APPL2: variants seen among roughly 807,000 people sequenced by gnomAD.
APPL2 encodes DCC-interacting protein 13-beta.
APPL2 carries 84 observed loss-of-function variants against 92.7 expected under a neutral mutation model. That is an observed-to-expected ratio of 0.91 (90% confidence interval 0.76 to 1.09). The LOEUF (loss-of-function observed/expected upper bound fraction) is 1.09. Among genes scored for constraint, APPL2 ranks in the 50% least tolerant of loss-of-function variants. The pLI is 0.00. For missense variants in APPL2, 736 were observed against 824.5 expected (o/e 0.89, Z 1.31); for synonymous variants, 291 against 291.0 (o/e 1.00, Z 0.00).
chr12:105,187,889 T>A (rs1223203735), intron 17 of APPL2, among the ~76,000 whole-genome samples: 1 of 152,082 alleles, frequency 6.6e-6, no homozygotes, highest in Non-Finnish European at 1.5e-5. Flanking sequence ...TATGGCCTGC[T>A]CTCTCTGTGA....
intron 18 of APPL2, 37 bp downstream of exon 18, chr12:105,177,189 G>C: frequency 6.2e-7 from 1 of 1,610,548 alleles, no homozygotes; most frequent in Middle Eastern, 1.7e-4. Context: ...GTGAATTAAG[G>C]AGTAATCACT....
At chr12:105,213,217 C>A (rs1034323334) in intron 4 of APPL2, among the ~76,000 whole-genome samples, 2 of 152,166 alleles carry the variant, frequency 1.3e-5, no homozygotes, top group African/African-American at 4.8e-5. Flanking sequence ...TGGTACATTT[C>A]CCAGCTACTC....
intron 2 of APPL2, among the ~76,000 whole-genome samples, chr12:105,221,117 G>C (rs1487585813): frequency 1.3e-5 from 2 of 152,176 alleles, no homozygotes; most frequent in Non-Finnish European, 2.9e-5. Flanking sequence ...TGTACACAAA[G>C]GTTGTAAGAA....
rs186173358 is a variant in APPL2, at chr12:105,217,197, G to A, written c.214-57C>T. On this transcript the variant is annotated intron_variant, in intron 3 of 20. Transcript: ENST00000258530. Reference sequence around the variant, plus strand: ...AAGTGAATACTGGGGAATTCAGCACGAAGCATCACCTGCAGAACACGACCC... The same window carrying A: ...AAGTGAATACTGGGGAATTCAGCACAAAGCATCACCTGCAGAACACGACCC... The A allele has an allele frequency of 2.6e-5, 31 of 1,214,948 alleles. No individual in the cohort carries two copies. The African/African-American group carries it at 2.7e-4, about 11-fold the overall frequency. The allele number at this position is 1,214,948 out of a possible 1,614,324, so 75.3% of individuals were successfully genotyped here. A position where few individuals can be genotyped will look rare whatever the true frequency, so the allele number is the denominator to read the frequency against.
At chr12:105,177,343 A>T in intron 17 of APPL2, 81 bp from the exon 18 acceptor site, 1 of 1,425,002 alleles carries the variant, frequency 7.0e-7, no homozygotes. Flanking sequence ...AGTCCAGAAT[A>T]AATACAAATT....
chr12:105,218,656 G>A (rs1028988725), intron 2 of APPL2, among the ~76,000 whole-genome samples: 1 of 152,220 alleles, frequency 6.6e-6, no homozygotes, highest in African/African-American at 2.4e-5. Flanking sequence ...CTGGGAATGA[G>A]GCAGTGGGAA....
intron 10 of APPL2, 54 bp from the exon 11 acceptor site, chr12:105,198,007 C>T: frequency 2.6e-6 from 4 of 1,563,580 alleles, no homozygotes; most frequent in Non-Finnish European, 3.5e-6. Context: ...CAGCGGCCAC[C>T]TCCAAGTCTT....
intron 8 of APPL2, among the ~76,000 whole-genome samples, chr12:105,206,380 G>C (rs1037258206): frequency 2.0e-5 from 3 of 152,138 alleles, no homozygotes; most frequent in African/African-American, 7.2e-5. Context: ...TGGCTTTGGA[G>C]ACAACGTGAG....
At chr12:105,230,503 C>G (rs1566103640) in intron 1 of APPL2, among the ~76,000 whole-genome samples, 1 of 152,216 alleles carries the variant, frequency 6.6e-6, no homozygotes, top group African/African-American at 2.4e-5. Context: ...AGAATAATTT[C>G]AGGAATGCCT....
Position 105,182,730 on chromosome 12 carries a change from T to C in APPL2, c.1635-5468A>G, listed in dbSNP as rs1383789009. On this transcript the variant is annotated intron_variant, in intron 17 of 20. Coordinates refer to ENST00000258530, the MANE Select transcript of APPL2 (RefSeq NM_018171.5). Reference sequence around the variant, plus strand: ...CGTGGTGCTGAGAAGAATGTATATTTTGTTGATTTGGGATGGAGCATTCTG... The same window carrying C: ...CGTGGTGCTGAGAAGAATGTATATTCTGTTGATTTGGGATGGAGCATTCTG... 3.3e-5 allele frequency among the ~76,000 whole-genome samples: 5 copies of C among 152,166 alleles called. No homozygotes were observed. The South Asian group carries it at 8.3e-4, about 25-fold the overall frequency.
chr12:105,211,405 C>G, intron 4 of APPL2, 88 bp from the exon 5 acceptor site: 7 of 954,950 alleles, frequency 7.3e-6, no homozygotes, highest in South Asian at 1.4e-5. Flanking sequence ...ACACTGAACA[C>G]TTCCGTGTGG....
chr12:105,211,993 C>T (rs558383119), intron 4 of APPL2, among the ~76,000 whole-genome samples: 1 of 152,044 alleles, frequency 6.6e-6, no homozygotes, highest in East Asian at 1.9e-4. Context: ...GTGGCGGGCA[C>T]CTGTAGTCCC....
chr12:105,218,115 A>C (rs1351869010), intron 2 of APPL2, among the ~76,000 whole-genome samples: 1 of 124,454 alleles, frequency 8.0e-6, no homozygotes, highest in Non-Finnish European at 1.8e-5. Flanking sequence ...CTCTAAAAAA[A>C]AATTATAAAA....
chr12:105,198,866 T>C (rs1411191963), intron 10 of APPL2, among the ~76,000 whole-genome samples: 1 of 152,250 alleles, frequency 6.6e-6, no homozygotes, highest in African/African-American at 2.4e-5. Context: ...ATATCCTCTC[T>C]GCTCACAGAA....
At chr12:105,187,732 AAC>A (rs1243007448) in intron 17 of APPL2, among the ~76,000 whole-genome samples, 2 of 152,236 alleles carry the variant, frequency 1.3e-5, no homozygotes, top group African/African-American at 4.8e-5. Context: ...GTATGTATTT[AAC>A]ACTGAAAACA....
intron 1 of APPL2, chr12:105,233,050 G>C (rs1343523675): frequency 1.0e-6 from 1 of 958,086 alleles, no homozygotes; most frequent in Non-Finnish European, 1.2e-6. Context: ...GCAAGCAACA[G>C]TGCTGTTGTC....
rs141967608 is a variant in APPL2, at chr12:105,188,635, G to C, written c.1460-188C>G. ...TCTTCCATTTGTCTACATCTTGTCA[G>C]TTTGTTTGGAACTACTTCATTAGAC... is the stretch of plus-strand genomic sequence containing the variant. On this transcript the variant is annotated intron_variant, in intron 16 of 20. Coordinates refer to ENST00000258530, the MANE Select transcript of APPL2 (RefSeq NM_018171.5). 6.4e-3 allele frequency among the ~76,000 whole-genome samples: 982 copies of C among 152,308 alleles called. 17 individuals are homozygous for C. Among genetic ancestry groups the C allele is most frequent in the African/African-American group, 0.022 (921 of 41,574 alleles).
chr12:105,177,567 A>T (rs1003863037), intron 17 of APPL2: 11 of 381,650 alleles, frequency 2.9e-5, no homozygotes, highest in Non-Finnish European at 5.3e-5. Flanking sequence ...GCTATATAAT[A>T]TGGATGGATT....
rs528801003 is a variant in APPL2, at chr12:105,188,281, T to C, written c.1626A>G (p.Gln542=). Reference sequence around the variant, plus strand: ...AATAAAACTGAACGTACCTCAAAGATTGACTGGTGACCATCAGATGGGATT... The same window carrying C: ...AATAAAACTGAACGTACCTCAAAGACTGACTGGTGACCATCAGATGGGATT... The part of the protein sequence containing the change: ...MTESHLMVTS[Q]SLRLIDPQTQ... Residue 542 remains glutamine (Q), a synonymous_variant, in exon 17 of 21, where the codon CAA becomes CAG. Coordinates refer to ENST00000258530, the MANE Select transcript of APPL2 (RefSeq NM_018171.5). 32 of 1,614,122 alleles carry C rather than the reference T, an allele frequency of 2.0e-5. No individual in the cohort carries two copies. Among genetic ancestry groups the C allele is most frequent in the South Asian group, 1.9e-4 (17 of 91,066 alleles).
Sources: gnomAD v4.1 joint callset for allele counts (sites outside exome capture counted in the v4.1 genomes callset) on GRCh38, gnomAD v4.1.1 for gene constraint, MANE v1.5 for transcripts, NCBI Gene and HGNC (gene_info 2026-07-23, HGNC 2026-07-21) for gene names.